CHRDL1: variants seen among roughly 807,000 people sequenced by gnomAD.
The protein encoded by CHRDL1 is chordin like 1, also known as chordin-like protein 1.
CHRDL1 carries 19 observed loss-of-function variants against 40.9 expected under a neutral mutation model. That is an observed-to-expected ratio of 0.46 (90% CI 0.32 to 0.68). The LOEUF (loss-of-function observed/expected upper bound fraction) is 0.68. Among genes scored for constraint, CHRDL1 ranks in the 30% least tolerant of loss-of-function variants. CHRDL1 has a pLI of 0.03. For synonymous variants in CHRDL1, 136 were observed against 123.4 expected, an observed-to-expected ratio of 1.10 and a Z score of -0.68; for missense variants, 329 against 352.1, an observed-to-expected ratio of 0.93 and a Z score of 0.53.
intron 8 of CHRDL1, among the ~76,000 whole-genome samples, chrX:110,693,533 A>T (rs1159045358): frequency 1.9e-5 from 2 of 107,911 alleles, no homozygotes. Flanking sequence ...TTTTCATTAA[A>T]TTTTTTTTTG....
chrX:110,759,620 G>T lies in CHRDL1; in HGVS notation c.301+41C>A, dbSNP rs199745567. On this transcript the variant is annotated intron_variant, in intron 4 of 11. Transcript: ENST00000372042. ...AGTTGAGTTGGGTGAAGAGGGAAAT[G>T]GAGAACCACAGCTAGGAAAGAAAGA... 1,948 of 934,249 alleles carry T rather than the reference G, an allele frequency of 2.1e-3. 17 individuals are homozygous for T. Among genetic ancestry groups the T allele is most frequent in the Non-Finnish European group, 5.1e-4 (331 of 643,540 alleles). The allele number at this position is 934,249 out of a possible 1,213,427, so 77.0% of individuals were successfully genotyped here. A position where few individuals can be genotyped will look rare whatever the true frequency, so the allele number is the denominator to read the frequency against.
At chrX:110,712,932 T>C (rs922418249) in intron 6 of CHRDL1, among the ~76,000 whole-genome samples, 6 of 110,518 alleles carry the variant, frequency 5.4e-5, no homozygotes, top group African/African-American at 2.0e-4. Flanking sequence ...ATGTAGCATG[T>C]ATAATGTAGA....
chrX:110,732,001 C>CAAA (rs748997133), intron 4 of CHRDL1, among the ~76,000 whole-genome samples: 5,042 of 92,405 alleles, frequency 0.055, 373 homozygotes, highest in African/African-American at 0.19. Context: ...AAAGCGTTAC[C>CAAA]AAAAAAAAAA....
chrX:110,713,423 A>G (rs533708333), intron 6 of CHRDL1, among the ~76,000 whole-genome samples: 1 of 112,155 alleles, frequency 8.9e-6, no homozygotes, highest in Middle Eastern at 4.6e-3. Flanking sequence ...AGAGTGAGAG[A>G]AGGGTAAGTT....
At chrX:110,682,146 T>C (rs1470948491) in intron 9 of CHRDL1, among the ~76,000 whole-genome samples, 2 of 112,270 alleles carry the variant, frequency 1.8e-5, no homozygotes, top group Non-Finnish European at 3.8e-5. Flanking sequence ...AAAACATTCA[T>C]GACACTCATT....
At chrX:110,756,922 AC>A (rs1418813470) in intron 4 of CHRDL1, among the ~76,000 whole-genome samples, 1 of 112,112 alleles carries the variant, frequency 8.9e-6, no homozygotes, top group African/African-American at 3.2e-5. Context: ...ATTCCCCAAA[AC>A]AATAACAGGT....
chrX:110,729,493 G>A (rs2071119967), intron 4 of CHRDL1, among the ~76,000 whole-genome samples: 1 of 111,362 alleles, frequency 9.0e-6, no homozygotes, highest in Non-Finnish European at 1.9e-5. Context: ...AGGTCATGCT[G>A]GCAGGCCTTA....
intron 4 of CHRDL1, among the ~76,000 whole-genome samples, chrX:110,749,175 T>C (rs2089311150): frequency 1.8e-5 from 2 of 111,136 alleles, no homozygotes; most frequent in Admixed American, 1.9e-4. Context: ...TGATAGTGAG[T>C]GTGGACTCTG....
intron 3 of CHRDL1, among the ~76,000 whole-genome samples, chrX:110,760,442 T>C (rs1049485297): frequency 8.9e-6 from 1 of 112,633 alleles, no homozygotes; most frequent in Non-Finnish European, 1.9e-5. Context: ...TTTCCATCCA[T>C]AAATCATTTG....
intron 4 of CHRDL1, among the ~76,000 whole-genome samples, chrX:110,728,280 T>C (rs1257851004): frequency 9.0e-6 from 1 of 111,408 alleles, no homozygotes. Flanking sequence ...TTCTTTTATA[T>C]GTATACCTAG....
intron 8 of CHRDL1, among the ~76,000 whole-genome samples, chrX:110,691,171 G>A (rs750334432): frequency 9.4e-6 from 1 of 106,882 alleles, no homozygotes; most frequent in African/African-American, 3.4e-5. Context: ...CCGTGATGGC[G>A]CCATTACACC....
chrX:110,680,391 A>T (rs2069869752), intron 10 of CHRDL1, among the ~76,000 whole-genome samples: 1 of 112,061 alleles, frequency 8.9e-6, no homozygotes, highest in East Asian at 2.8e-4. Flanking sequence ...TACATGTTCA[A>T]GCATCTTTTT....
At chrX:110,691,659 A>G (rs920136258) in intron 8 of CHRDL1, among the ~76,000 whole-genome samples, 2 of 112,035 alleles carry the variant, frequency 1.8e-5, no homozygotes, top group Non-Finnish European at 1.9e-5. Context: ...TCACTGGGCT[A>G]GTTCTTTCTC....
At chrX:110,695,445 A>G (rs2070366735) in intron 7 of CHRDL1, among the ~76,000 whole-genome samples, 1 of 111,057 alleles carries the variant, frequency 9.0e-6, no homozygotes, top group Non-Finnish European at 1.9e-5. Context: ...ACACGTGATG[A>G]CCAGACTATT....
At chrX:110,757,239 A>C (rs1489911843) in intron 4 of CHRDL1, among the ~76,000 whole-genome samples, 1 of 111,491 alleles carries the variant, frequency 9.0e-6, no homozygotes, top group Non-Finnish European at 1.9e-5. Flanking sequence ...AATTTTCAAA[A>C]AAAAAACTGA....
intron 11 of CHRDL1, 76 bp from the exon 12 acceptor site, chrX:110,676,437 T>G: frequency 1.0e-6 from 1 of 959,705 alleles, no homozygotes; most frequent in Non-Finnish European, 1.4e-6. Context: ...AGAACCAATA[T>G]ACCCCATGCT....
intron 6 of CHRDL1, among the ~76,000 whole-genome samples, chrX:110,703,984 C>G (rs1216220965): frequency 9.1e-6 from 1 of 110,420 alleles, no homozygotes; most frequent in African/African-American, 3.3e-5. Context: ...AGAGGGAGAG[C>G]GAAGGAGGGA....
intron 7 of CHRDL1, among the ~76,000 whole-genome samples, chrX:110,696,729 C>T (rs1323990810): frequency 9.0e-6 from 1 of 111,334 alleles, no homozygotes; most frequent in African/African-American, 3.3e-5. Context: ...AAAAAATACT[C>T]ATACCTGGGT....
At chrX:110,694,397 T>C (rs907573420) in intron 7 of CHRDL1, 66 bp from the exon 8 acceptor site, 1 of 846,238 alleles carries the variant, frequency 1.2e-6, no homozygotes, top group Admixed American at 2.8e-5. Flanking sequence ...TTAAGTTATA[T>C]ACTAGAAGTC....
Sources: allele counts gnomAD v4.1 joint callset (sites outside exome capture counted in the v4.1 genomes callset), GRCh38; gene constraint gnomAD v4.1.1; transcripts MANE v1.5; gene names NCBI Gene and HGNC (gene_info 2026-07-23, HGNC 2026-07-21).